Variants in PTPRR observed in about 807,000 individuals in gnomAD.
PTPRR encodes protein tyrosine phosphatase receptor type R.
In PTPRR, 38 loss-of-function variants were observed where a neutral mutation model predicts 77.2. The observed-to-expected ratio is 0.49, with a 90% CI of 0.38 to 0.65. PTPRR has a LOEUF of 0.65. Among genes scored for constraint, PTPRR ranks in the 30% least tolerant of loss-of-function variants. The pLI is 0.00. For synonymous variants in PTPRR, 299 were observed against 283.1 expected (o/e 1.06, Z -0.57); for missense variants, 744 against 799.2 (o/e 0.93, Z 0.83).
intron 5 of PTPRR, among the ~76,000 whole-genome samples, chr12:70,750,892 T>A (rs959274388): frequency 6.7e-6 from 1 of 148,464 alleles, no homozygotes; most frequent in African/African-American, 2.5e-5. Context: ...TCAGCCTGGA[T>A]GATTTTTTAA....
At chr12:70,828,262 C>A (rs1892151358) in intron 2 of PTPRR, among the ~76,000 whole-genome samples, 1 of 152,182 alleles carries the variant, frequency 6.6e-6, no homozygotes, top group Non-Finnish European at 1.5e-5. Flanking sequence ...TCTCCACATT[C>A]CTTTTCTTGC....
chr12:70,896,908 G>A (rs1346182665), intron 1 of PTPRR, among the ~76,000 whole-genome samples: 1 of 151,786 alleles, frequency 6.6e-6, no homozygotes, highest in Non-Finnish European at 1.5e-5. Context: ...GTTTGTCAAA[G>A]ATCAGATAGT....
intron 2 of PTPRR, among the ~76,000 whole-genome samples, chr12:70,834,705 T>C (rs1458444335): frequency 1.3e-5 from 2 of 152,230 alleles, no homozygotes; most frequent in East Asian, 3.9e-4. Flanking sequence ...TAGAAGGAAG[T>C]TACTTCCAGG....
intron 4 of PTPRR, chr12:70,754,711 A>T: frequency 6.3e-7 from 1 of 1,590,594 alleles, no homozygotes; most frequent in Non-Finnish European, 8.5e-7. Flanking sequence ...CTACCTCTTT[A>T]CTTTTAAACA....
At chr12:70,755,856 G>GT (rs1890551201) in intron 4 of PTPRR, among the ~76,000 whole-genome samples, 1 of 151,964 alleles carries the variant, frequency 6.6e-6, no homozygotes, top group African/African-American at 2.4e-5. Flanking sequence ...CAGCCATATC[G>GT]TTTTTTTAAA....
chr12:70,687,386 T>A (rs915231757), intron 8 of PTPRR, among the ~76,000 whole-genome samples: 65 of 151,660 alleles, frequency 4.3e-4, no homozygotes, highest in African/African-American at 1.4e-3. Flanking sequence ...TAAAGTAGAT[T>A]TGAGCTATAA....
intron 2 of PTPRR, among the ~76,000 whole-genome samples, chr12:70,866,771 C>A (rs1210240127): frequency 6.6e-6 from 1 of 152,040 alleles, no homozygotes; most frequent in Non-Finnish European, 1.5e-5. Context: ...AACATTGATG[C>A]AAAAATCCTC....
rs997386781 is a variant in PTPRR, at chr12:70,896,345, C to A, written c.59-3368G>T. 3.3e-5 allele frequency among the ~76,000 whole-genome samples: 5 copies of A among 151,486 alleles called. No individual in the cohort carries two copies. The South Asian group carries it at 6.2e-4, about 19-fold the overall frequency. The stretch of plus-strand genomic sequence containing the variant: ...TGAGGAGAAAGAAAAGAAGCAAAGG[C>A]AAGGTTGTAAAAGAACACCACCATC... On this transcript the variant is annotated intron_variant, in intron 1 of 13. Transcript: ENST00000283228.
chr12:70,731,963 G>T (rs181300553), intron 6 of PTPRR, among the ~76,000 whole-genome samples: 1 of 152,144 alleles, frequency 6.6e-6, no homozygotes, highest in African/African-American at 2.4e-5. Context: ...TCTATGTATC[G>T]GATGGGAGAA....
chr12:70,875,977 C>T (rs1400008385), intron 2 of PTPRR, among the ~76,000 whole-genome samples: 3 of 152,222 alleles, frequency 2.0e-5, no homozygotes, highest in Middle Eastern at 3.4e-3. Flanking sequence ...TTTTCACCTC[C>T]CTGGTCAGCA....
At chr12:70,754,149 T>C in intron 5 of PTPRR, 42 bp downstream of exon 5, 1 of 1,582,378 alleles carries the variant, frequency 6.3e-7, no homozygotes, top group Middle Eastern at 1.7e-4. Flanking sequence ...TATCAAGCAG[T>C]GGGCTGAGCA....
intron 2 of PTPRR, among the ~76,000 whole-genome samples, chr12:70,881,763 A>C (rs1255017669): frequency 6.6e-6 from 1 of 152,208 alleles, no homozygotes; most frequent in Non-Finnish European, 1.5e-5. Context: ...CTTCTTTATG[A>C]AAGGACAATG....
rs935313948 is a variant in PTPRR at position 70,745,979 on chromosome 12, C to T, written c.846G>A (p.Glu282=). ...SPITLQPALS[E]AKTVHSMVQP... Reference sequence around the variant, plus strand: ...GGACCATGCTGTGGACTGTCTTTGCCTCGGACAGTGCTGGCTGTAATGTGA... The same window carrying T: ...GGACCATGCTGTGGACTGTCTTTGCTTCGGACAGTGCTGGCTGTAATGTGA... Residue 282 remains glutamate (E), a synonymous_variant, in exon 6 of 14, where the codon GAG becomes GAA. Transcript: ENST00000283228. The T allele has an allele frequency of 6.2e-7, 1 of 1,613,972 alleles. No homozygotes were observed. Among genetic ancestry groups the T allele is most frequent in the Non-Finnish European group, 8.5e-7 (1 of 1,180,022 alleles).
Position 70,736,688 on chromosome 12 carries a change from T to A in PTPRR, c.1007+9130A>T, listed in dbSNP as rs1291365958. Among the ~76,000 whole-genome samples the A allele has an allele frequency of 2.6e-5, 4 of 152,186 alleles. No homozygotes were observed. In the East Asian group the frequency reaches 7.7e-4, roughly 29 times the overall value. The stretch of plus-strand genomic sequence containing the variant: ...ACTGAGTTGTTATTTTTATTGATGT[T>A]ATTTGGAGTTAAACTGGAATTTACT... On this transcript the variant is annotated intron_variant, in intron 6 of 13. Transcript: ENST00000283228.
intron 5 of PTPRR, among the ~76,000 whole-genome samples, chr12:70,748,248 A>G (rs1890274935): frequency 6.6e-6 from 1 of 152,174 alleles, no homozygotes; most frequent in African/African-American, 2.4e-5. Flanking sequence ...AAAACCTAGA[A>G]TCCAAGTTTT....
intron 2 of PTPRR, among the ~76,000 whole-genome samples, chr12:70,883,504 C>T (rs1046974237): frequency 1.3e-5 from 2 of 152,158 alleles, no homozygotes; most frequent in African/African-American, 2.4e-5. Context: ...TTGATAATTT[C>T]TCCACATTCC....
chr12:70,897,631 T>C (rs184525943), intron 1 of PTPRR, among the ~76,000 whole-genome samples: 8 of 152,130 alleles, frequency 5.3e-5, no homozygotes, highest in African/African-American at 1.9e-4. Context: ...GAAATACCAT[T>C]TGACCCAGCC....
At chr12:70,830,656 A>G (rs938041850) in intron 2 of PTPRR, among the ~76,000 whole-genome samples, 1 of 152,228 alleles carries the variant, frequency 6.6e-6, no homozygotes, top group African/African-American at 2.4e-5. Context: ...ACCATTGCCA[A>G]ACCAGCACCT....
chr12:70,718,137 T>C (rs1031483793), intron 6 of PTPRR, among the ~76,000 whole-genome samples: 3 of 152,224 alleles, frequency 2.0e-5, no homozygotes, highest in Non-Finnish European at 4.4e-5. Context: ...TTGATTTAAA[T>C]GTTATATTTT....
Sources: allele counts gnomAD v4.1 joint callset (sites outside exome capture counted in the v4.1 genomes callset), GRCh38; gene constraint gnomAD v4.1.1; transcripts MANE v1.5; gene names NCBI Gene and HGNC (gene_info 2026-07-23, HGNC 2026-07-21).